Variants in PDLIM5 observed in about 807,000 individuals in gnomAD.
PDLIM5 encodes the protein PDZ and LIM domain 5.
PDLIM5 carries 34 observed loss-of-function variants against 64.2 expected under a neutral mutation model. The ratio of observed to expected loss-of-function variants is 0.53; its 90% CI spans 0.40 to 0.71. The LOEUF (loss-of-function observed/expected upper bound fraction) is 0.71. Ranked by LOEUF, PDLIM5 falls within the 30% of genes least tolerant of loss-of-function variation. The probability of loss-of-function intolerance (pLI) is 0.00; values close to 1 mark genes in which losing one functional copy is unlikely to be tolerated. For missense variants in PDLIM5, 683 were observed against 733.6 expected (o/e 0.93, Z 0.80); for synonymous variants, 253 against 269.1 (o/e 0.94, Z 0.59).
chr4:94,594,958 A>G (rs1018673307), intron 7 of PDLIM5, among the ~76,000 whole-genome samples: 1 of 152,184 alleles, frequency 6.6e-6, no homozygotes, highest in Non-Finnish European at 1.5e-5. Flanking sequence ...TGATTGACTC[A>G]TAGTTCCACA....
In PDLIM5 at chr4:94,586,435, A is replaced by C; in HGVS notation, c.911A>C (p.Lys304Thr). 2.0e-6 allele frequency: 3 copies of C among 1,508,620 alleles called. No individual in the cohort carries two copies. Among genetic ancestry groups the C allele is most frequent in the Non-Finnish European group, 2.8e-6 (3 of 1,088,588 alleles). 93.5% of individuals were successfully genotyped at this position (1,508,620 alleles called of 1,614,324 possible). A position where few individuals can be genotyped will look rare whatever the true frequency, so the allele number is the denominator to read the frequency against. Residue 304 changes from lysine (K) to threonine (T), a missense_variant, in exon 7 of 13, where the codon AAG becomes ACG. Transcript: ENST00000317968. ...AAAGAATCTGAAGCCGATAATACAA[A>C]GAAGGCAAAGTAAGTTCTCTATCTT... is the stretch of plus-strand genomic sequence containing the variant. ...HLKESEADNT[K>T]KANNSQEPSP...
intron 2 of PDLIM5, among the ~76,000 whole-genome samples, chr4:94,467,893 G>A (rs377112083): frequency 6.6e-6 from 1 of 152,158 alleles, no homozygotes; most frequent in African/African-American, 2.4e-5. Context: ...TGGATATTCT[G>A]TAAGAAGCCA....
rs150673163 is a variant in PDLIM5 at position 94,583,064 on chromosome 4, T to C, written c.711-2501T>C. 6.2e-4 allele frequency: 109 copies of C among 175,226 alleles called. 3 individuals carry two copies. The East Asian group carries it at 0.015, about 24-fold the overall frequency. The allele number at this position is 175,226 out of a possible 1,614,324, so 10.9% of individuals were successfully genotyped here. A position where few individuals can be genotyped will look rare whatever the true frequency, so the allele number is the denominator to read the frequency against. On this transcript the variant is annotated intron_variant, in intron 5 of 12. Coordinates refer to ENST00000317968, the MANE Select transcript of PDLIM5 (RefSeq NM_006457.5). ...TTATTATTATTTTAATGTCTGTATT[T>C]TGAAATAAATTACTTGCTCCTGAGA...
At chr4:94,581,209 T>G (rs1051347124) in intron 5 of PDLIM5, among the ~76,000 whole-genome samples, 1 of 152,166 alleles carries the variant, frequency 6.6e-6, no homozygotes, top group Admixed American at 6.6e-5. Context: ...CTGCTGTGTA[T>G]GATGGACTAT....
At chr4:94,609,676 G>A (rs1738204295) in intron 7 of PDLIM5, among the ~76,000 whole-genome samples, 1 of 151,952 alleles carries the variant, frequency 6.6e-6, no homozygotes, top group Non-Finnish European at 1.5e-5. Flanking sequence ...GCAGTCTGTT[G>A]TGCCTGCTTC....
chr4:94,566,267 CT>C (rs1158172390), intron 3 of PDLIM5, among the ~76,000 whole-genome samples: 6 of 152,088 alleles, frequency 3.9e-5, no homozygotes, highest in African/African-American at 1.4e-4. Context: ...GAACATACTA[CT>C]TTGTCAGGAA....
At chr4:94,456,931 T>G in intron 2 of PDLIM5, 1 of 992,678 alleles carries the variant, frequency 1.0e-6, no homozygotes. Context: ...CTCACATGAC[T>G]GTATGGAAGA....
At chr4:94,608,203 C>G (rs887059963) in intron 7 of PDLIM5, 1 of 1,497,242 alleles carries the variant, frequency 6.7e-7, no homozygotes, top group Admixed American at 2.0e-5. Context: ...CTTGGTGTTT[C>G]TAAATTTCAA....
At chr4:94,593,187 T>C (rs1229682859) in intron 7 of PDLIM5, among the ~76,000 whole-genome samples, 2 of 152,350 alleles carry the variant, frequency 1.3e-5, no homozygotes, top group African/African-American at 4.8e-5. Flanking sequence ...ATCGTATTTC[T>C]TCCTGGATGC....
chr4:94,536,429 T>C (rs1731323578), intron 3 of PDLIM5, among the ~76,000 whole-genome samples: 1 of 152,194 alleles, frequency 6.6e-6, no homozygotes, highest in Non-Finnish European at 1.5e-5. Context: ...AAGTACTCAA[T>C]ATTTCCTGGA....
chr4:94,665,242 G>A lies in PDLIM5; in HGVS notation c.*1175G>A, dbSNP rs545320305. On this transcript the variant is annotated 3_prime_UTR_variant, in exon 13 of 13. Coordinates refer to ENST00000317968, the MANE Select transcript of PDLIM5 (RefSeq NM_006457.5). ...CTCACGCCTGTGATCCCAGCACTTT[G>A]GGAGGCCAAGACGGGCGGATCATGA... 5.4e-6 allele frequency: 3 copies of A among 555,490 alleles called. No homozygotes were observed. In the East Asian group the frequency reaches 4.3e-4, roughly 80 times the overall value. The allele number at this position is 555,490 out of a possible 1,614,324, so 34.4% of individuals were successfully genotyped here.
At position 94,618,047 on chromosome 4, in the gene PDLIM5, T is replaced by TCCACAC. The variant is rs752056422; in HGVS notation, c.965_970dup (p.Thr323_Arg324insProThr). ...TCCGCAGTTGGCTTCCTCGGTAGCT[T>TCCACAC]CCACACGGAGCATGCCCGAGAGCCT... On this transcript the variant is annotated inframe_insertion, in exon 8 of 13. Coordinates refer to ENST00000317968, the MANE Select transcript of PDLIM5 (RefSeq NM_006457.5). 4.4e-6 allele frequency: 7 copies of TCCACAC among 1,603,042 alleles called. No homozygotes were observed. Among genetic ancestry groups the TCCACAC allele is most frequent in the South Asian group, 3.4e-5 (3 of 89,188 alleles).
In PDLIM5 at chr4:94,629,873, A is replaced by T. The variant is rs1037168218; in HGVS notation, c.1109-10403A>T. ...CCAGAATGTACTTTCCTCTGATCCC[A>T]GATCTTGGCTTAACTGTCTCCATTT... On this transcript the variant is annotated intron_variant, in intron 8 of 12. Transcript: ENST00000317968. 4.6e-5 allele frequency among the ~76,000 whole-genome samples: 7 copies of T among 152,230 alleles called. No homozygotes were observed. The East Asian group carries it at 1.3e-3, about 29-fold the overall frequency.
At chr4:94,573,579 A>AT (rs1352404792) in intron 4 of PDLIM5, 186 bp downstream of exon 4, 1 of 640,610 alleles carries the variant, frequency 1.6e-6, no homozygotes, top group African/African-American at 1.8e-5. Flanking sequence ...ATTTGTAATT[A>AT]TACATGTTAT....
intron 2 of PDLIM5, among the ~76,000 whole-genome samples, chr4:94,507,888 A>G (rs988710229): frequency 3.3e-5 from 5 of 152,162 alleles, no homozygotes; most frequent in Non-Finnish European, 5.9e-5. Context: ...AGGCAAACCA[A>G]AATCTTGCTT....
intron 3 of PDLIM5, among the ~76,000 whole-genome samples, chr4:94,563,675 T>A (rs1734032948): frequency 6.6e-6 from 1 of 152,246 alleles, no homozygotes; most frequent in South Asian, 2.1e-4. Context: ...GTGCCTCTGG[T>A]ATTAGCATAG....
intron 2 of PDLIM5, among the ~76,000 whole-genome samples, chr4:94,469,321 A>AG (rs1207904911): frequency 6.6e-6 from 1 of 152,220 alleles, no homozygotes; most frequent in East Asian, 1.9e-4. Context: ...ATGGGTGTTT[A>AG]GGGGTAAGAG....
At chr4:94,607,986 T>C (rs1272631025) in intron 7 of PDLIM5, 1 of 1,045,224 alleles carries the variant, frequency 9.6e-7, no homozygotes, top group Non-Finnish European at 1.4e-6. Context: ...AAAGATGGTA[T>C]AGATGATAAA....
At position 94,668,085 on chromosome 4, in the gene PDLIM5, G is replaced by T. The variant is rs1336719524; in HGVS notation, c.*4018G>T. The T allele has an allele frequency of 6.6e-6, 1 of 152,032 alleles. No individual in the cohort carries two copies. Among genetic ancestry groups the T allele is most frequent in the African/African-American group, 2.4e-5 (1 of 41,408 alleles). 9.4% of individuals were successfully genotyped at this position (152,032 alleles called of 1,614,324 possible). ...CCTTATCTGTTAATGTCTATCTTCTGTCTCTTTAATTTTGTATATCTGCTG... is the reference window on the plus strand; with the variant it reads ...CCTTATCTGTTAATGTCTATCTTCTTTCTCTTTAATTTTGTATATCTGCTG... On this transcript the variant is annotated 3_prime_UTR_variant, in exon 13 of 13. Transcript: ENST00000317968.
Sources: gnomAD v4.1 joint callset for allele counts (sites outside exome capture counted in the v4.1 genomes callset) on GRCh38, gnomAD v4.1.1 for gene constraint, MANE v1.5 for transcripts, NCBI Gene and HGNC (gene_info 2026-07-23, HGNC 2026-07-21) for gene names.